Variants in DNMBP observed in about 807,000 individuals in gnomAD.
DNMBP encodes the protein dynamin binding protein, also known as dynamin-binding protein.
Under a neutral mutation model 150.0 loss-of-function variants are expected in DNMBP, and 87 were observed. That is an observed-to-expected ratio of 0.58 (90% CI 0.49 to 0.69). The LOEUF (loss-of-function observed/expected upper bound fraction) is 0.69, where lower values mean the gene tolerates loss of function less well. DNMBP is among the 30% of genes least tolerant of loss of function. The probability of loss-of-function intolerance (pLI) is 0.00; values close to 1 mark genes in which losing one functional copy is unlikely to be tolerated. For synonymous variants in DNMBP, 711 were observed against 750.4 expected, an observed-to-expected ratio of 0.95 and a Z score of 0.86; for missense variants, 1,774 against 1,949.0, an observed-to-expected ratio of 0.91 and a Z score of 1.69.
In DNMBP at chr10:99,963,483, C is replaced by T. The variant is rs143238407; in HGVS notation, c.268+5632G>A. Among the ~76,000 whole-genome samples, 1,034 of 152,068 alleles carry T rather than the reference C, an allele frequency of 6.8e-3. 13 individuals carry two copies. The highest frequency in any genetic ancestry group is 0.024 in the African/African-American group (990 of 41,458). The stretch of plus-strand genomic sequence containing the variant: ...CCTAGGTGATTCCTTAGGAACGGAT[C>T]ACTTTTTCCATTAGATTGGTATCTC... On this transcript the variant is annotated intron_variant, in intron 3 of 16. Transcript: ENST00000324109.
intron 15 of DNMBP, among the ~76,000 whole-genome samples, chr10:99,881,520 G>A (rs990178765): frequency 4.6e-5 from 7 of 152,220 alleles, no homozygotes; most frequent in Admixed American, 1.3e-4. Flanking sequence ...CCCAGAGTAT[G>A]TAGCCTCCAT....
chr10:99,901,017 C>T (rs1235814212), intron 6 of DNMBP, among the ~76,000 whole-genome samples: 2 of 152,142 alleles, frequency 1.3e-5, no homozygotes, highest in Non-Finnish European at 2.9e-5. Flanking sequence ...CTCACTGCAA[C>T]CTCCACCTCC....
At chr10:99,896,057 T>C (rs200473442) in intron 10 of DNMBP, among the ~76,000 whole-genome samples, 1 of 152,188 alleles carries the variant, frequency 6.6e-6, no homozygotes, top group African/African-American at 2.4e-5. Flanking sequence ...TTAGAGGTGG[T>C]GAAAACTACC....
In DNMBP at chr10:99,884,523, C is replaced by CT. The variant is rs375946500; in HGVS notation, c.3799-315dup. ...AAATATCTAAGTGATATTAGTAGGT[C>CT]TTCTTGTATTTTGTTAGGGACATTC... is the stretch of plus-strand genomic sequence containing the variant. On this transcript the variant is annotated intron_variant, in intron 14 of 16. Coordinates refer to ENST00000324109, the MANE Select transcript of DNMBP (RefSeq NM_015221.4). Among the ~76,000 whole-genome samples, 310 of 152,186 alleles carry CT rather than the reference C, an allele frequency of 2.0e-3. 2 individuals carry two copies. Among genetic ancestry groups the CT allele is most frequent in the African/African-American group, 7.1e-3 (295 of 41,552 alleles).
intron 1 of DNMBP, among the ~76,000 whole-genome samples, chr10:99,975,422 A>G (rs2040718001): frequency 6.6e-6 from 1 of 152,246 alleles, no homozygotes. Flanking sequence ...GGCATATAAT[A>G]AATCATTTAG....
intron 9 of DNMBP, among the ~76,000 whole-genome samples, chr10:99,897,367 G>A (rs1170542807): frequency 6.6e-6 from 1 of 152,108 alleles, no homozygotes; most frequent in African/African-American, 2.4e-5. Flanking sequence ...TGAGCAGATT[G>A]GGGTTTTCTA....
Position 99,956,078 on chromosome 10 carries a change from A to C in DNMBP, c.1396T>G (p.Ser466Ala), listed in dbSNP as rs115278752. 5.2e-5 allele frequency: 84 copies of C among 1,614,192 alleles called. No individual in the cohort carries two copies. In the African/African-American group the frequency reaches 1.1e-3, roughly 21 times the overall value. Residue 466 changes from serine to alanine, a missense_variant, in exon 4 of 17, where the codon TCC (serine) becomes GCC (alanine). Physicochemically the swap from Ser to Ala is moderately conservative, Grantham distance 99. Transcript: ENST00000324109. ...GGCTTCTGAAGAGTTTTTAGCTGGGAATACATTCTTTTGGGAGGTAGGCTG... is the reference window on the plus strand; with the variant it reads ...GGCTTCTGAAGAGTTTTTAGCTGGGCATACATTCTTTTGGGAGGTAGGCTG... ...YASLPPKRMY[S>A]QLKTLQKPVL...
chr10:99,877,092 C>CGTATCCTTA lies in DNMBP; in HGVS notation c.*58_*59insTAAGGATAC. 1 of 1,383,414 alleles carries CGTATCCTTA rather than the reference C, an allele frequency of 7.2e-7. No individual in the cohort carries two copies. Among genetic ancestry groups the CGTATCCTTA allele is most frequent in the Admixed American group, 2.7e-5 (1 of 36,872 alleles). The allele number at this position is 1,383,414 out of a possible 1,614,324, so 85.7% of individuals were successfully genotyped here. On this transcript the variant is annotated 3_prime_UTR_variant, in exon 17 of 17. Coordinates refer to ENST00000324109, the MANE Select transcript of DNMBP (RefSeq NM_015221.4). ...AGCAGGCGCCCTCTCGGTGGGCCGC[C>CGTATCCTTA]AGAACCCTCGGCGGACTGAAAGCAA...
Position 99,877,341 on chromosome 10 carries a change from G to A in DNMBP, c.4549-5C>T, listed in dbSNP as rs1173068055. 5 of 1,598,450 alleles carry A rather than the reference G, an allele frequency of 3.1e-6. No homozygotes were observed. The highest frequency in any genetic ancestry group is 4.3e-6 in the Non-Finnish European group (5 of 1,171,968). On this transcript the variant is annotated splice_polypyrimidine_tract_variant and splice_region_variant and intron_variant, in intron 16 of 16. Coordinates refer to ENST00000324109, the MANE Select transcript of DNMBP (RefSeq NM_015221.4). ...GGTGTAGACAGCAAAATAGACCTGT[G>A]TGAGGGAGAGAGAGAAAATGGGAAA...
chr10:99,913,834 T>C, intron 4 of DNMBP: 1 of 1,074,048 alleles, frequency 9.3e-7, no homozygotes. Flanking sequence ...GAAAGCTGGA[T>C]CTATCTCTAA....
At chr10:99,998,150 G>T (rs571065881) in intron 1 of DNMBP, among the ~76,000 whole-genome samples, 1 of 150,434 alleles carries the variant, frequency 6.6e-6, no homozygotes, top group East Asian at 2.0e-4. Context: ...CAGGAGAATC[G>T]CTTGAACCCG....
rs529652635 is a variant in DNMBP, at chr10:100,004,634, T to C, written c.-11+5204A>G. On this transcript the variant is annotated intron_variant, in intron 1 of 16. Transcript: ENST00000324109. ...TAGGGCTGGATTCCTATCTAACACATGAAAATGCGGGCCCTAGAGAGATGA... is the reference window on the plus strand; with the variant it reads ...TAGGGCTGGATTCCTATCTAACACACGAAAATGCGGGCCCTAGAGAGATGA... Among the ~76,000 whole-genome samples the C allele has an allele frequency of 4.1e-4, 63 of 152,214 alleles. 1 individual carries two copies. The highest frequency in any genetic ancestry group is 9.9e-4 in the African/African-American group (41 of 41,528).
In DNMBP at chr10:99,904,313, C is replaced by T. The variant is rs181846172; in HGVS notation, c.2554+3682G>A. 3.9e-4 allele frequency among the ~76,000 whole-genome samples: 59 copies of T among 152,186 alleles called. 1 individual carries two copies. The highest frequency in any genetic ancestry group is 1.5e-3 in the East Asian group (8 of 5,176). On this transcript the variant is annotated intron_variant, in intron 6 of 16. Transcript: ENST00000324109. ...AAGCACAGACATACACAGAAACACA[C>T]ATCCTGGGTCATTATGAACAACATA...
At chr10:99,967,698 TG>T (rs1160861668) in intron 3 of DNMBP, among the ~76,000 whole-genome samples, 2 of 150,972 alleles carry the variant, frequency 1.3e-5, no homozygotes, top group Non-Finnish European at 3.0e-5. Context: ...TGTGTGTGTG[TG>T]GGTATGTGTG....
In DNMBP at chr10:99,957,158, C is replaced by T; in HGVS notation, c.316G>A (p.Gly106Ser). The T allele has an allele frequency of 6.2e-7, 1 of 1,609,346 alleles. No homozygotes were observed. The highest frequency in any genetic ancestry group is 8.5e-7 in the Non-Finnish European group (1 of 1,179,968). The change falls in exon 4 of 17, where the codon GGC becomes AGC. Residue 106 changes from glycine to serine, a missense_variant. Gly to Ser is a moderately conservative substitution (Grantham distance 56). Transcript: ENST00000324109. ...CCCCGTGCGCCCCAGCAGCTTCGGC[C>T]CTGCAGCCAGCCTGCAGTGGGAATG... The part of the protein sequence containing the change: ...DGIPTAGWLQ[G>S]RSCWGARGFF...
chr10:99,915,108 A>AAAATATATAT (rs10654940), intron 4 of DNMBP, among the ~76,000 whole-genome samples: 28 of 99,802 alleles, frequency 2.8e-4, no homozygotes, highest in South Asian at 6.7e-4. Flanking sequence ...AAAAAAAAAA[A>AAAATATATAT]ATATATATAT....
rs1589458237 is a variant in DNMBP at position 100,005,786 on chromosome 10, C to CAAAAAAAA, written c.-11+4051_-11+4052insTTTTTTTT. 8.0e-3 allele frequency among the ~76,000 whole-genome samples: 805 copies of CAAAAAAAA among 100,646 alleles called. 32 individuals are homozygous for CAAAAAAAA. The highest frequency in any genetic ancestry group is 0.029 in the African/African-American group (591 of 20,380). 66.0% of individuals were successfully genotyped at this position (100,646 alleles called of 152,430 possible). A position where few individuals can be genotyped will look rare whatever the true frequency, so the allele number is the denominator to read the frequency against. ...CTCCAAAAAAAAAAAAAAAAAAAAC[C>CAAAAAAAA]AAACTACATAAAGGAAAATGAATTA... On this transcript the variant is annotated intron_variant, in intron 1 of 16. Transcript: ENST00000324109.
At chr10:99,900,097 T>A (rs2039717230) in intron 6 of DNMBP, 31 bp from the exon 7 acceptor site, 3 of 1,612,554 alleles carry the variant, frequency 1.9e-6, no homozygotes, top group Middle Eastern at 1.7e-4. Context: ...TACAGTGTTT[T>A]TAGTAAACTT....
In DNMBP at chr10:99,955,402, C is replaced by A. The variant is rs1387556599; in HGVS notation, c.2072G>T (p.Cys691Phe). ...CTCAATCCTCACCAGCACTAAGGGGCATGGGGAGGTCTGGTCCAGACTCCT... is the reference window on the plus strand; with the variant it reads ...CTCAATCCTCACCAGCACTAAGGGGAATGGGGAGGTCTGGTCCAGACTCCT... The part of the protein sequence containing the change: ...MGRSLDQTSP[C>F]PLVLVRIEEM... Residue 691 changes from cysteine (C) to phenylalanine (F), a missense_variant, in exon 4 of 17, where the codon TGC becomes TTC. Transcript: ENST00000324109. 1 of 1,614,168 alleles carries A rather than the reference C, an allele frequency of 6.2e-7. No homozygotes were observed. Among genetic ancestry groups the A allele is most frequent in the Admixed American group, 1.7e-5 (1 of 60,022 alleles).
Sources: gnomAD v4.1 joint callset for allele counts (sites outside exome capture counted in the v4.1 genomes callset) on GRCh38, gnomAD v4.1.1 for gene constraint, MANE v1.5 for transcripts, NCBI Gene and HGNC (gene_info 2026-07-23, HGNC 2026-07-21) for gene names.